LAMA3: variants seen among roughly 807,000 people sequenced by gnomAD.
The protein encoded by LAMA3 is laminin subunit alpha 3.
LAMA3 carries 281 observed loss-of-function variants against 402.0 expected under a neutral mutation model. The ratio of observed to expected loss-of-function variants is 0.70; its 90% CI spans 0.63 to 0.77. The LOEUF (loss-of-function observed/expected upper bound fraction) is 0.77. Ranked by LOEUF, LAMA3 falls within the 30% of genes least tolerant of loss-of-function variation. LAMA3 has a pLI of 0.00. For missense variants in LAMA3, 3,840 were observed against 4,215.5 expected (o/e 0.91, Z 2.47); for synonymous variants, 1,431 against 1,558.4 (o/e 0.92, Z 1.93).
intron 2 of LAMA3, among the ~76,000 whole-genome samples, chr18:23,729,475 A>G (rs1192146557): frequency 6.6e-6 from 1 of 152,224 alleles, no homozygotes; most frequent in Non-Finnish European, 1.5e-5. Context: ...CATTTAGAGT[A>G]TTAATTGTAT....
At chr18:23,736,510 G>A (rs920010798) in intron 2 of LAMA3, among the ~76,000 whole-genome samples, 1 of 151,608 alleles carries the variant, frequency 6.6e-6, no homozygotes, top group African/African-American at 2.4e-5. Context: ...GGTGTGTACC[G>A]AAAGTTACAT....
intron 6 of LAMA3, among the ~76,000 whole-genome samples, chr18:23,757,663 A>G (rs1208185034): frequency 1.3e-5 from 2 of 152,216 alleles, no homozygotes; most frequent in Non-Finnish European, 2.9e-5. Context: ...ACAGCTGCGC[A>G]AGACGGAATC....
At chr18:23,894,434 T>TC (rs2080803249) in intron 43 of LAMA3, 86 bp downstream of exon 43, 18 of 1,219,504 alleles carry the variant, frequency 1.5e-5, no homozygotes, top group Non-Finnish European at 2.2e-5. Flanking sequence ...TCATGCAGTT[T>TC]CCAGTCTGGG....
chr18:23,936,272 G>A (rs945072644), intron 67 of LAMA3, among the ~76,000 whole-genome samples: 5 of 150,642 alleles, frequency 3.3e-5, no homozygotes, highest in African/African-American at 7.3e-5. Context: ...AAGTTCTAGG[G>A]TACATGTGCA....
At chr18:23,898,281 G>C (rs1329715847) in intron 44 of LAMA3, 2 of 173,454 alleles carry the variant, frequency 1.2e-5, no homozygotes, top group East Asian at 3.2e-4. Context: ...ATATGAGGCT[G>C]TTCAGCTACA....
chr18:23,770,680 G>A (rs974760964), intron 8 of LAMA3, among the ~76,000 whole-genome samples: 4 of 152,302 alleles, frequency 2.6e-5, no homozygotes, highest in African/African-American at 9.6e-5. Flanking sequence ...AGAATGGCGT[G>A]AACCCGGGAG....
intron 9 of LAMA3, among the ~76,000 whole-genome samples, chr18:23,774,799 C>T (rs2062277892): frequency 6.6e-6 from 1 of 152,120 alleles, no homozygotes; most frequent in Admixed American, 6.5e-5. Context: ...CTCTCTAGGG[C>T]ATTCTTAGTT....
Position 23,763,510 on chromosome 18 carries a change from G to A in LAMA3, c.1169G>A (p.Cys390Tyr), listed in dbSNP as rs768566206. Residue 390 changes from cysteine (C) to tyrosine (Y), a missense_variant, in exon 8 of 75, where the codon TGC becomes TAC. Around this residue, in one of 3 missense-constraint regions of LAMA3, gnomAD observed 2,109 missense variants for 2,376.0 expected, o/e 0.89. Transcript: ENST00000313654. ...GGCATCTATGCTGGTGGAGGGGTCT[G>A]CATTAACTGTCAGGTGAGGCACTAT... The part of the protein sequence containing the change: ...TQGIYAGGGV[C>Y]INCQHNTAGV... The A allele has an allele frequency of 5.0e-6, 8 of 1,598,396 alleles. No individual in the cohort carries two copies. In the South Asian group the frequency reaches 7.7e-5, roughly 15 times the overall value.
chr18:23,794,945 A>G (rs73969527), intron 12 of LAMA3, among the ~76,000 whole-genome samples: 5,035 of 152,350 alleles, frequency 0.033, 272 homozygotes, highest in African/African-American at 0.11. Flanking sequence ...CTTTAAATGT[A>G]TGTTATAATT....
At chr18:23,895,183 C>A in intron 44 of LAMA3, 125 bp downstream of exon 44, 3 of 1,116,806 alleles carry the variant, frequency 2.7e-6, no homozygotes, top group Non-Finnish European at 3.9e-6. Context: ...TTCCTCTGAT[C>A]CAAATGAAGA....
intron 27 of LAMA3, among the ~76,000 whole-genome samples, chr18:23,841,560 T>C (rs756488546): frequency 1.5e-4 from 23 of 152,238 alleles, no homozygotes; most frequent in Middle Eastern, 3.4e-3. Context: ...CTTATCAGCT[T>C]GTTTGGGTGT....
At chr18:23,789,535 A>G (rs899845074) in intron 12 of LAMA3, among the ~76,000 whole-genome samples, 8 of 152,334 alleles carry the variant, frequency 5.3e-5, no homozygotes, top group Admixed American at 2.0e-4. Context: ...AAACCTTGAA[A>G]ACATTACGCT....
At chr18:23,723,384 T>A (rs186990151) in intron 2 of LAMA3, among the ~76,000 whole-genome samples, 1 of 152,328 alleles carries the variant, frequency 6.6e-6, no homozygotes, top group East Asian at 1.9e-4. Flanking sequence ...AGGCACCACA[T>A]GATGCCATAG....
chr18:23,740,896 C>T (rs1439119078), intron 2 of LAMA3, among the ~76,000 whole-genome samples: 1 of 151,958 alleles, frequency 6.6e-6, no homozygotes, highest in Non-Finnish European at 1.5e-5. Context: ...TGAGCAGGTA[C>T]TTCTGGGAAC....
intron 2 of LAMA3, among the ~76,000 whole-genome samples, chr18:23,740,407 A>AT (rs36082121): frequency 2.3e-3 from 338 of 146,002 alleles, no homozygotes; most frequent in Non-Finnish European, 3.5e-3. Flanking sequence ...TTGTCTTACC[A>AT]TTTTTTTTTT....
rs2062011943 is a variant in LAMA3, at chr18:23,763,388, TTA to T, written c.1064-15_1064-14del. ...TAGTAATAATGAGAATATTGACTTATTATGCTTTTTTTTCAGCATGCAACTGC... is the reference window on the plus strand; with the variant it reads ...TAGTAATAATGAGAATATTGACTTATTGCTTTTTTTTCAGCATGCAACTGC... On this transcript the variant is annotated splice_polypyrimidine_tract_variant and intron_variant, in intron 7 of 74. Transcript: ENST00000313654. The T allele has an allele frequency of 6.9e-7, 1 of 1,457,864 alleles. No individual in the cohort carries two copies. Among genetic ancestry groups the T allele is most frequent in the South Asian group, 1.1e-5 (1 of 87,812 alleles). 90.3% of individuals were successfully genotyped at this position (1,457,864 alleles called of 1,614,324 possible). A position where few individuals can be genotyped will look rare whatever the true frequency, so the allele number is the denominator to read the frequency against.
At chr18:23,835,692 G>A (rs2063568091) in intron 24 of LAMA3, among the ~76,000 whole-genome samples, 1 of 152,180 alleles carries the variant, frequency 6.6e-6, no homozygotes, top group South Asian at 2.1e-4. Context: ...ATGTGGATGA[G>A]TGAAAATCAA....
intron 40 of LAMA3, among the ~76,000 whole-genome samples, chr18:23,884,138 C>T (rs1341162728): frequency 6.6e-6 from 1 of 151,484 alleles, no homozygotes; most frequent in Non-Finnish European, 1.5e-5. Flanking sequence ...TATTGCTTCT[C>T]AGCCTTTTGG....
At chr18:23,946,564 G>A (rs1263208641) in intron 70 of LAMA3, 2 of 430,124 alleles carry the variant, frequency 4.6e-6, no homozygotes, top group African/African-American at 2.0e-5. Context: ...TCTCCTCCAG[G>A]GAATGCAAAA....
Sources: allele counts gnomAD v4.1 joint callset (sites outside exome capture counted in the v4.1 genomes callset), GRCh38; gene constraint gnomAD v4.1.1; regional missense constraint gnomAD v4.1.1; transcripts MANE v1.5; gene names NCBI Gene and HGNC (gene_info 2026-07-23, HGNC 2026-07-21).